Variants in ANKRD29 observed in about 807,000 individuals in gnomAD.
The protein encoded by ANKRD29 is ankyrin repeat domain 29.
Under a neutral mutation model 38.0 loss-of-function variants are expected in ANKRD29, and 32 were observed. The observed-to-expected ratio is 0.84, with a 90% CI of 0.64 to 1.13. The LOEUF (loss-of-function observed/expected upper bound fraction) is 1.13, where lower values mean the gene tolerates loss of function less well. Ranked by LOEUF, ANKRD29 falls within the 50% of genes most tolerant of loss-of-function variation. The pLI, the probability that ANKRD29 is intolerant of heterozygous loss-of-function variation, is 0.00. For synonymous variants in ANKRD29, 135 were observed against 152.4 expected, an observed-to-expected ratio of 0.89 and a Z score of 0.84; for missense variants, 357 against 377.9, an observed-to-expected ratio of 0.94 and a Z score of 0.46.
intron 3 of ANKRD29, among the ~76,000 whole-genome samples, chr18:23,644,230 CCTCTT>C (rs1300799629): frequency 2.0e-5 from 3 of 152,200 alleles, no homozygotes; most frequent in African/African-American, 7.2e-5. Context: ...ATACTTCTCT[CCTCTT>C]CTAGCTGCTT....
chr18:23,627,794 C>G (rs750054492), intron 6 of ANKRD29, among the ~76,000 whole-genome samples: 14 of 152,092 alleles, frequency 9.2e-5, no homozygotes, highest in African/African-American at 2.9e-4. Context: ...TAAAAATAAC[C>G]AATTCCTTTT....
At chr18:23,625,731 C>A (rs2059854189) in intron 6 of ANKRD29, among the ~76,000 whole-genome samples, 1 of 152,184 alleles carries the variant, frequency 6.6e-6, no homozygotes, top group Non-Finnish European at 1.5e-5. Flanking sequence ...GGACAGTAGG[C>A]AACCTGCTAA....
chr18:23,616,918 C>A (rs1445658306), intron 8 of ANKRD29, among the ~76,000 whole-genome samples: 1 of 151,468 alleles, frequency 6.6e-6, no homozygotes, highest in Admixed American at 6.6e-5. Context: ...ATATTTTAAT[C>A]AAAAATGATC....
chr18:23,652,139 C>T (rs1023949876), intron 1 of ANKRD29, among the ~76,000 whole-genome samples: 1 of 152,164 alleles, frequency 6.6e-6, no homozygotes, highest in Non-Finnish European at 1.5e-5. Context: ...AAGAAATGGG[C>T]AGGTGCTCCT....
At chr18:23,653,244 A>G (rs1960662019) in intron 1 of ANKRD29, among the ~76,000 whole-genome samples, 1 of 152,138 alleles carries the variant, frequency 6.6e-6, no homozygotes, top group African/African-American at 2.4e-5. Flanking sequence ...TGAGATAATT[A>G]TTCCCATTTT....
rs1483512553 is a variant in ANKRD29 at position 23,646,193 on chromosome 18, C to G, written c.227G>C (p.Arg76Thr). The G allele has an allele frequency of 1.4e-5, 22 of 1,614,000 alleles. 1 individual carries two copies. The East Asian group carries it at 4.7e-4, about 34-fold the overall frequency. ...CAAGTGCAAAGCCTGACCTACCTCTCTCTGGAGATTGATGTCTGCTCCTTG... is the reference window on the plus strand; with the variant it reads ...CAAGTGCAAAGCCTGACCTACCTCTGTCTGGAGATTGATGTCTGCTCCTTG... ...VLQGADINLQ[R>T]ESGTTALFFA... is the part of the protein sequence containing the mutation. Residue 76 changes from arginine (R) to threonine (T), a missense_variant, in exon 3 of 10, where the codon AGA becomes ACA. Arg to Thr is a moderately conservative substitution (Grantham distance 71). Coordinates refer to ENST00000592179, the MANE Select transcript of ANKRD29 (RefSeq NM_173505.4).
intron 6 of ANKRD29, among the ~76,000 whole-genome samples, chr18:23,629,272 A>G (rs1241248553): frequency 6.6e-6 from 1 of 152,276 alleles, no homozygotes; most frequent in African/African-American, 2.4e-5. Flanking sequence ...GGCATGAGCC[A>G]CCACTCCCAG....
At chr18:23,603,986 G>A (rs1186090364) in intron 9 of ANKRD29, among the ~76,000 whole-genome samples, 1 of 151,926 alleles carries the variant, frequency 6.6e-6, no homozygotes, top group Non-Finnish European at 1.5e-5. Context: ...GGGATTATAG[G>A]TGCACACCAC....
chr18:23,630,092 C>T, intron 5 of ANKRD29, 141 bp from the exon 6 acceptor site: 1 of 667,548 alleles, frequency 1.5e-6, no homozygotes, highest in Non-Finnish European at 2.5e-6. Context: ...AGATAGAGAC[C>T]AGCCTGGCCA....
rs185856447 is a variant in ANKRD29 at position 23,613,474 on chromosome 18, G to A, written c.724-1284C>T. Among the ~76,000 whole-genome samples, 220 of 151,784 alleles carry A rather than the reference G, an allele frequency of 1.4e-3. 2 individuals carry two copies. The highest frequency in any genetic ancestry group is 2.1e-3 in the Non-Finnish European group (143 of 67,894). The stretch of plus-strand genomic sequence containing the variant: ...GGTGTGAGCCACCATGCCTGACCAG[G>A]AGTTTTTAAAAAGCCAAAAAAGAGC... On this transcript the variant is annotated intron_variant, in intron 8 of 9. Coordinates refer to ENST00000592179, the MANE Select transcript of ANKRD29 (RefSeq NM_173505.4).
chr18:23,637,994 CTTT>C (rs3083465), intron 4 of ANKRD29, among the ~76,000 whole-genome samples: 2 of 98,078 alleles, frequency 2.0e-5, no homozygotes, highest in Non-Finnish European at 3.8e-5. Flanking sequence ...TCAATTACTT[CTTT>C]TTTTTTTTTT....
At chr18:23,643,583 A>T (rs1598519960) in intron 3 of ANKRD29, among the ~76,000 whole-genome samples, 1 of 152,204 alleles carries the variant, frequency 6.6e-6, no homozygotes, top group African/African-American at 2.4e-5. Flanking sequence ...ATCATTCTGT[A>T]CCTCAATGCA....
chr18:23,614,802 G>A (rs1222475765), intron 8 of ANKRD29, among the ~76,000 whole-genome samples: 2 of 151,916 alleles, frequency 1.3e-5, no homozygotes, highest in African/African-American at 4.8e-5. Context: ...AAAATATAAA[G>A]AGCAGACACA....
Position 23,632,514 on chromosome 18 carries a change from A to AGT in ANKRD29, c.429+1535_429+1536dup, listed in dbSNP as rs545037817. Among the ~76,000 whole-genome samples, 114 of 137,478 alleles carry AGT rather than the reference A, an allele frequency of 8.3e-4. 1 individual carries two copies. The highest frequency in any genetic ancestry group is 4.6e-3 in the South Asian group (19 of 4,104). 90.2% of individuals were successfully genotyped at this position (137,478 alleles called of 152,430 possible). A position where few individuals can be genotyped will look rare whatever the true frequency, so the allele number is the denominator to read the frequency against. On this transcript the variant is annotated intron_variant, in intron 5 of 9. Transcript: ENST00000592179. ...CCAAACACTTTGGCTTTTCCTATTC[A>AGT]GTGTGTGTGTGTGTGTGTGTATATA...
chr18:23,662,857 G>C lies in ANKRD29; in HGVS notation c.-127C>G, dbSNP rs2060386606. The C allele has an allele frequency of 6.8e-6, 6 of 888,048 alleles. No homozygotes were observed. The highest frequency in any genetic ancestry group is 8.3e-6 in the Non-Finnish European group (6 of 719,366). The allele number at this position is 888,048 out of a possible 1,614,324, so 55.0% of individuals were successfully genotyped here. On this transcript the variant is annotated 5_prime_UTR_variant, in exon 1 of 10. Transcript: ENST00000592179. ...GCGGCCTCCGACGCCGCGCGCTCCC[G>C]CCGCCCGGCCCGGCAGCAGCCGCCG...
At chr18:23,631,932 G>C (rs1195037716) in intron 5 of ANKRD29, among the ~76,000 whole-genome samples, 1 of 152,158 alleles carries the variant, frequency 6.6e-6, no homozygotes, top group African/African-American at 2.4e-5. Flanking sequence ...TGGAAAACCA[G>C]AGCACACCCT....
In ANKRD29 at chr18:23,640,524, T is replaced by C. The variant is rs192472155; in HGVS notation, c.232-1577A>G. Among the ~76,000 whole-genome samples, 1,382 of 152,302 alleles carry C rather than the reference T, an allele frequency of 9.1e-3. 7 individuals are homozygous for C. Among genetic ancestry groups the C allele is most frequent in the Non-Finnish European group, 0.014 (966 of 68,026 alleles). On this transcript the variant is annotated intron_variant, in intron 3 of 9. Coordinates refer to ENST00000592179, the MANE Select transcript of ANKRD29 (RefSeq NM_173505.4). ...GTAATTCACCCACAAACTTCTCCAATTGCAAGCCCAGAGTCAAAATGAGCT... is the reference window on the plus strand; with the variant it reads ...GTAATTCACCCACAAACTTCTCCAACTGCAAGCCCAGAGTCAAAATGAGCT...
At chr18:23,644,794 T>G (rs2060117889) in intron 3 of ANKRD29, among the ~76,000 whole-genome samples, 2 of 152,326 alleles carry the variant, frequency 1.3e-5, no homozygotes, top group East Asian at 1.9e-4. Context: ...GCCTGTAACT[T>G]CTGGGCTTAA....
chr18:23,641,512 GC>G (rs2060076202), intron 3 of ANKRD29, among the ~76,000 whole-genome samples: 1 of 152,292 alleles, frequency 6.6e-6, no homozygotes, highest in African/African-American at 2.4e-5. Context: ...TGCCAGCCTT[GC>G]CCCCCAACCT....
Sources: allele counts gnomAD v4.1 joint callset (sites outside exome capture counted in the v4.1 genomes callset), GRCh38; gene constraint gnomAD v4.1.1; transcripts MANE v1.5; gene names NCBI Gene and HGNC (gene_info 2026-07-23, HGNC 2026-07-21).